Variants in RANBP2 observed in about 807,000 individuals in gnomAD.
The protein encoded by RANBP2 is E3 SUMO-protein ligase RanBP2.
In RANBP2, 57 loss-of-function variants were observed where a neutral mutation model predicts 303.6. That is an observed-to-expected ratio of 0.19 (90% confidence interval 0.15 to 0.23). The LOEUF is 0.23. Among genes scored for constraint, RANBP2 ranks in the 10% least tolerant of loss-of-function variants. The probability of loss-of-function intolerance (pLI) is 1.00; values close to 1 mark genes in which losing one functional copy is unlikely to be tolerated. For missense variants in RANBP2, 3,138 were observed against 3,780.8 expected (o/e 0.83, Z 4.46); for synonymous variants, 1,167 against 1,301.5 (o/e 0.90, Z 2.23).
At chr2:109,561,528 A>G in the RANBP2 span, among the ~76,000 whole-genome samples, 1 of 152,222 alleles carries the variant, frequency 6.6e-6, no homozygotes, top group South Asian at 2.1e-4. Flanking sequence ...GATTTTACCC[A>G]GTATTATTCA....
the RANBP2 span, among the ~76,000 whole-genome samples, chr2:108,857,531 TACCA>T: frequency 6.6e-6 from 1 of 152,222 alleles, no homozygotes; most frequent in Non-Finnish European, 1.5e-5. Flanking sequence ...AGGCTTGTTC[TACCA>T]AAGCACTGTA....
chr2:108,835,568 A>C, the RANBP2 span, among the ~76,000 whole-genome samples: 1 of 152,244 alleles, frequency 6.6e-6, no homozygotes, highest in Non-Finnish European at 1.5e-5. Flanking sequence ...ACCATAGTTT[A>C]AATACCTTAC....
chr2:109,204,248 C>T, the RANBP2 span, among the ~76,000 whole-genome samples: 1,350 of 152,302 alleles, frequency 8.9e-3, 19 homozygotes, highest in African/African-American at 0.031. Context: ...ATGAAACTTA[C>T]TTTGCTTATG....
chr2:108,878,995 TAAA>T, the RANBP2 span, among the ~76,000 whole-genome samples: 14 of 151,104 alleles, frequency 9.3e-5, no homozygotes, highest in East Asian at 2.7e-3. Context: ...ATATTTAGGA[TAAA>T]GAAGTTTAAA....
At chr2:109,673,337 A>G in the RANBP2 span, among the ~76,000 whole-genome samples, 3 of 152,220 alleles carry the variant, frequency 2.0e-5, no homozygotes, top group South Asian at 6.2e-4. Flanking sequence ...CTTTTTGCCC[A>G]CATGAGAGGA....
At chr2:108,729,100 T>G (rs1694967615) in intron 1 of RANBP2, 32 bp from the exon 2 acceptor site, 3 of 1,558,470 alleles carry the variant, frequency 1.9e-6, no homozygotes, top group Non-Finnish European at 2.6e-6. Context: ...TATTTCTGTA[T>G]GAAAAGTAAA....
the RANBP2 span, among the ~76,000 whole-genome samples, chr2:109,205,755 C>T: frequency 6.6e-6 from 1 of 152,202 alleles, no homozygotes; most frequent in Non-Finnish European, 1.5e-5. Context: ...CAGCCCCGCT[C>T]TGTGCAGCCT....
At chr2:109,144,306 TTGTC>T in the RANBP2 span, among the ~76,000 whole-genome samples, 4 of 152,376 alleles carry the variant, frequency 2.6e-5, no homozygotes, top group East Asian at 3.9e-4. Flanking sequence ...CAATTTTTAT[TTGTC>T]TGTTATACCT....
chr2:108,936,866 C>T, the RANBP2 span, among the ~76,000 whole-genome samples: 2 of 152,340 alleles, frequency 1.3e-5, no homozygotes, highest in African/African-American at 4.8e-5. Context: ...GGGAGTCCCT[C>T]CTGCCCCATG....
the RANBP2 span, among the ~76,000 whole-genome samples, chr2:108,970,592 ACCAGG>A: frequency 7.3e-3 from 1,104 of 152,214 alleles, 8 homozygotes; most frequent in South Asian, 0.028. Flanking sequence ...ACAGAGAATA[ACCAGG>A]GTGGGGCAGG....
At chr2:109,432,439 C>A in the RANBP2 span, 1 of 1,586,284 alleles carries the variant, frequency 6.3e-7, no homozygotes, top group Non-Finnish European at 8.6e-7. Context: ...CCCAGGAATG[C>A]CGGCCGGTCC....
chr2:109,145,082 G>A, the RANBP2 span, among the ~76,000 whole-genome samples: 2 of 152,300 alleles, frequency 1.3e-5, no homozygotes, highest in South Asian at 2.1e-4. Flanking sequence ...GCCCTCTTAC[G>A]GGGCCTGGAG....
the RANBP2 span, among the ~76,000 whole-genome samples, chr2:109,713,192 C>A: frequency 6.6e-6 from 1 of 152,096 alleles, no homozygotes; most frequent in Non-Finnish European, 1.5e-5. Flanking sequence ...TGGTGCAGAC[C>A]CACTTCGTGG....
chr2:108,931,070 G>A, the RANBP2 span: 6 of 1,578,330 alleles, frequency 3.8e-6, no homozygotes, highest in Non-Finnish European at 2.6e-6. Context: ...ACTGGCGGTA[G>A]CACCCCAGCC....
the RANBP2 span, among the ~76,000 whole-genome samples, chr2:108,902,612 A>G: frequency 6.6e-6 from 1 of 152,232 alleles, no homozygotes; most frequent in Non-Finnish European, 1.5e-5. Context: ...AAGATCTCTC[A>G]TGAATATAAA....
At chr2:109,430,014 C>G in the RANBP2 span, among the ~76,000 whole-genome samples, 1 of 152,216 alleles carries the variant, frequency 6.6e-6, no homozygotes, top group African/African-American at 2.4e-5. Context: ...AGCTCTGCAC[C>G]TTGCCTACCA....
chr2:109,589,106 TTTTG>T, the RANBP2 span, among the ~76,000 whole-genome samples: 51 of 150,818 alleles, frequency 3.4e-4, 1 homozygote, highest in African/African-American at 7.7e-4. Context: ...TTTGTGGTTT[TTTTG>T]TTTGTTTGTT....
the RANBP2 span, among the ~76,000 whole-genome samples, chr2:109,721,351 A>G: frequency 0.73 from 111,780 of 152,124 alleles, 44,708 homozygotes; most frequent in East Asian, 0.97. Context: ...GATGGAACAC[A>G]GGACGTGTGA....
the RANBP2 span, among the ~76,000 whole-genome samples, chr2:109,273,537 C>T: frequency 1.1e-4 from 17 of 152,268 alleles, no homozygotes; most frequent in African/African-American, 1.9e-4. Flanking sequence ...TCACTGGGCA[C>T]GTGTTTAGTG....
Sources: gnomAD v4.1 joint callset for allele counts (sites outside exome capture counted in the v4.1 genomes callset) on GRCh38, gnomAD v4.1.1 for gene constraint, MANE v1.5 for transcripts, NCBI Gene and HGNC (gene_info 2026-07-23, HGNC 2026-07-21) for gene names.